The following NRG3 variants were observed in gnomAD, a reference collection of about 807,000 sequenced individuals.
NRG3 encodes neuregulin 3.
NRG3 carries 31 observed loss-of-function variants against 66.9 expected under a neutral mutation model. That is an observed-to-expected ratio of 0.46 (90% CI 0.35 to 0.63). The LOEUF (loss-of-function observed/expected upper bound fraction) is 0.63. Ranked by LOEUF, NRG3 falls within the 20% of genes least tolerant of loss-of-function variation. The pLI, the probability that NRG3 is intolerant of heterozygous loss-of-function variation, is 0.00. For synonymous variants in NRG3, 393 were observed against 359.4 expected (o/e 1.09, Z -1.06); for missense variants, 910 against 878.9 (o/e 1.04, Z -0.45).
intron 1 of NRG3, among the ~76,000 whole-genome samples, chr10:82,081,426 A>G (rs2065387490): frequency 6.6e-6 from 1 of 152,174 alleles, no homozygotes; most frequent in Non-Finnish European, 1.5e-5. Context: ...CTAAAAATGC[A>G]GAAATATCAT....
intron 4 of NRG3, among the ~76,000 whole-genome samples, chr10:82,877,080 A>G (rs1424588757): frequency 1.3e-5 from 2 of 152,144 alleles, no homozygotes; most frequent in East Asian, 3.9e-4. Flanking sequence ...AAGTTAAAAA[A>G]TTGTTTTTTA....
At chr10:82,638,826 T>C (rs621507) in intron 2 of NRG3, among the ~76,000 whole-genome samples, 74,380 of 151,860 alleles carry the variant, frequency 0.49, 19,858 homozygotes, top group Non-Finnish European at 0.61. Context: ...TGTGTATTTT[T>C]AGTAGCGACA....
At chr10:82,068,914 A>G (rs2064645106) in intron 1 of NRG3, among the ~76,000 whole-genome samples, 1 of 152,208 alleles carries the variant, frequency 6.6e-6, no homozygotes, top group South Asian at 2.1e-4. Context: ...ACTGCTTTCA[A>G]TAAGTCACAG....
intron 2 of NRG3, among the ~76,000 whole-genome samples, chr10:82,394,377 G>A (rs1216653616): frequency 6.6e-6 from 1 of 152,206 alleles, no homozygotes; most frequent in Non-Finnish European, 1.5e-5. Flanking sequence ...AATAGCTTGG[G>A]CAGATAATGG....
chr10:82,197,413 A>G (rs1425447643), intron 1 of NRG3, among the ~76,000 whole-genome samples: 1 of 152,144 alleles, frequency 6.6e-6, no homozygotes, highest in African/African-American at 2.4e-5. Context: ...TAGGCACACA[A>G]CTCTCCCAAA....
chr10:82,553,389 T>C (rs889786250), intron 2 of NRG3, among the ~76,000 whole-genome samples: 8 of 152,068 alleles, frequency 5.3e-5, no homozygotes, highest in Non-Finnish European at 1.2e-4. Flanking sequence ...AAAACATGTA[T>C]GGATCTAAAT....
At chr10:82,635,868 G>A (rs1259151700) in intron 2 of NRG3, among the ~76,000 whole-genome samples, 3 of 152,130 alleles carry the variant, frequency 2.0e-5, no homozygotes, top group African/African-American at 7.2e-5. Flanking sequence ...TGGAGCCCAA[G>A]TGAGAGGAAA....
chr10:81,938,618 A>AGTGTGTGT (rs373196547), intron 1 of NRG3, among the ~76,000 whole-genome samples: 14 of 144,266 alleles, frequency 9.7e-5, no homozygotes, highest in East Asian at 4.3e-4. Context: ...GAGTTCTGAC[A>AGTGTGTGT]GTGTGTGTGT....
chr10:81,903,610 A>G (rs1306901146), intron 1 of NRG3, among the ~76,000 whole-genome samples: 2 of 152,178 alleles, frequency 1.3e-5, no homozygotes, highest in African/African-American at 4.8e-5. Context: ...CGTATATCAT[A>G]TGGTCAGCAT....
intron 2 of NRG3, among the ~76,000 whole-genome samples, chr10:82,395,547 C>G (rs2086659528): frequency 6.6e-6 from 1 of 152,268 alleles, no homozygotes; most frequent in African/African-American, 2.4e-5. Context: ...TTTATCTGAT[C>G]TAGGCCGAAG....
At chr10:82,401,868 G>A (rs1307345638) in intron 2 of NRG3, among the ~76,000 whole-genome samples, 1 of 151,924 alleles carries the variant, frequency 6.6e-6, no homozygotes. Context: ...TTAATTTAAA[G>A]TCATAGAAAA....
intron 3 of NRG3, among the ~76,000 whole-genome samples, chr10:82,764,875 GA>G (rs2059460405): frequency 6.6e-6 from 1 of 151,926 alleles, no homozygotes; most frequent in African/African-American, 2.4e-5. Context: ...AGAGAGGAAA[GA>G]AAAGAGAGAG....
At chr10:82,665,394 C>A (rs1171461385) in intron 2 of NRG3, among the ~76,000 whole-genome samples, 1 of 152,088 alleles carries the variant, frequency 6.6e-6, no homozygotes, top group Admixed American at 6.5e-5. Context: ...GGTATTATCC[C>A]AGTTCTACCC....
At chr10:82,341,224 T>C (rs2082672229) in intron 1 of NRG3, among the ~76,000 whole-genome samples, 1 of 152,162 alleles carries the variant, frequency 6.6e-6, no homozygotes, top group Non-Finnish European at 1.5e-5. Flanking sequence ...TAATTGCTCT[T>C]ATTTACTTAT....
At chr10:82,092,511 G>A (rs922934938) in intron 1 of NRG3, among the ~76,000 whole-genome samples, 1 of 151,042 alleles carries the variant, frequency 6.6e-6, no homozygotes, top group Non-Finnish European at 1.5e-5. Context: ...CATCTGTCAT[G>A]TAATTTCATT....
intron 3 of NRG3, among the ~76,000 whole-genome samples, chr10:82,754,806 G>C (rs1313746133): frequency 6.6e-6 from 1 of 151,964 alleles, no homozygotes; most frequent in African/African-American, 2.4e-5. Context: ...ATAAAAAATT[G>C]TAACATTATG....
chr10:82,427,691 T>A (rs951794125), intron 2 of NRG3, among the ~76,000 whole-genome samples: 1 of 152,136 alleles, frequency 6.6e-6, no homozygotes, highest in Non-Finnish European at 1.5e-5. Context: ...TCTTTCTTGC[T>A]TGGTTATGTA....
intron 2 of NRG3, among the ~76,000 whole-genome samples, chr10:82,367,066 C>A (rs1266470818): frequency 1.3e-5 from 2 of 152,152 alleles, no homozygotes. Flanking sequence ...GGATATGTAG[C>A]TTTTAGCTGC....
intron 2 of NRG3, among the ~76,000 whole-genome samples, chr10:82,687,061 CAGTA>C (rs1481740505): frequency 6.6e-6 from 1 of 152,190 alleles, no homozygotes; most frequent in Admixed American, 6.5e-5. Flanking sequence ...CTTTCTATCT[CAGTA>C]AGTAAGTCAT....
Sources: allele counts gnomAD v4.1 joint callset (sites outside exome capture counted in the v4.1 genomes callset), GRCh38; gene constraint gnomAD v4.1.1; transcripts MANE v1.5; gene names NCBI Gene and HGNC (gene_info 2026-07-23, HGNC 2026-07-21).